The following GCNT2 variants were observed in gnomAD, a reference collection of about 807,000 sequenced individuals.
The protein encoded by GCNT2 is glucosaminyl (N-acetyl) transferase 2 (I blood group), also known as N-acetyllactosaminide beta-1,6-N-acetylglucosaminyl-transferase.
GCNT2 carries 34 observed loss-of-function variants against 34.2 expected under a neutral mutation model. The observed-to-expected ratio is 1.00, with a 90% CI of 0.76 to 1.32. The LOEUF (loss-of-function observed/expected upper bound fraction) is 1.32, where lower values mean the gene tolerates loss of function less well. Ranked by LOEUF, GCNT2 falls within the 40% of genes most tolerant of loss-of-function variation. GCNT2 has a pLI of 0.00. For missense variants in GCNT2, 584 were observed against 489.4 expected (o/e 1.19, Z -1.82); for synonymous variants, 212 against 188.0 (o/e 1.13, Z -1.04).
chr6:10,614,285 C>T (rs550644509), intron 3 of GCNT2, among the ~76,000 whole-genome samples: 1 of 152,154 alleles, frequency 6.6e-6, no homozygotes, highest in East Asian at 1.9e-4. Flanking sequence ...TTGCTGATCA[C>T]CCAGGTCATT....
rs1393567354 is a variant in GCNT2, at chr6:10,575,869, G to A, written c.926-45482G>A. On this transcript the variant is annotated intron_variant, in intron 3 of 4. Coordinates refer to ENST00000495262, the MANE Select transcript of GCNT2 (RefSeq NM_145649.5). ...CACCTTGCGACCCCCACTCCTGCCC[G>A]CCAGAGAACAAACCCCCTTTGACTG... Among the ~76,000 whole-genome samples the A allele has an allele frequency of 4.6e-5, 7 of 151,628 alleles. No individual in the cohort carries two copies. The South Asian group carries it at 6.3e-4, about 14-fold the overall frequency.
chr6:10,544,819 C>T (rs919472941), intron 3 of GCNT2, among the ~76,000 whole-genome samples: 4 of 151,454 alleles, frequency 2.6e-5, no homozygotes, highest in African/African-American at 9.7e-5. Context: ...GTGGCAGGCA[C>T]CTGTAATCTG....
intron 3 of GCNT2, among the ~76,000 whole-genome samples, chr6:10,614,641 AAAAAG>A (rs1462927748): frequency 9.8e-5 from 12 of 122,074 alleles, no homozygotes; most frequent in African/African-American, 3.2e-4. Flanking sequence ...AAAAAAAAAA[AAAAAG>A]AGAAAAAGAA....
At position 10,528,702 on chromosome 6, in the gene GCNT2, A is replaced by G. The variant is rs1481911138; in HGVS notation, c.-210A>G. The G allele has an allele frequency of 5.0e-6, 3 of 604,534 alleles. No individual in the cohort carries two copies. The highest frequency in any genetic ancestry group is 2.9e-5 in the Admixed American group (1 of 34,160). 37.4% of individuals were successfully genotyped at this position (604,534 alleles called of 1,614,324 possible). A position where few individuals can be genotyped will look rare whatever the true frequency, so the allele number is the denominator to read the frequency against. ...GAGCCACTTCAGAAATGTGTCACAGAAAAGTGAAAATGCAACCTAGTGGTA... is the reference window on the plus strand; with the variant it reads ...GAGCCACTTCAGAAATGTGTCACAGGAAAGTGAAAATGCAACCTAGTGGTA... On this transcript the variant is annotated 5_prime_UTR_variant, in exon 3 of 5. Coordinates refer to ENST00000495262, the MANE Select transcript of GCNT2 (RefSeq NM_145649.5).
chr6:10,531,780 A>G (rs575780367), intron 3 of GCNT2, among the ~76,000 whole-genome samples: 36 of 151,840 alleles, frequency 2.4e-4, no homozygotes, highest in African/African-American at 8.5e-4. Context: ...AGTAGGATGT[A>G]GACTCTTCAG....
intron 4 of GCNT2, among the ~76,000 whole-genome samples, chr6:10,626,155 T>G (rs1766245830): frequency 6.6e-6 from 1 of 152,222 alleles, no homozygotes; most frequent in Admixed American, 6.5e-5. Flanking sequence ...ATAATTAACA[T>G]AATTAAAATA....
intron 3 of GCNT2, among the ~76,000 whole-genome samples, chr6:10,595,020 TTTC>T (rs1465416548): frequency 6.6e-6 from 1 of 152,064 alleles, no homozygotes; most frequent in Non-Finnish European, 1.5e-5. Context: ...TAATTTTTAA[TTTC>T]TTGTCGAGTC....
At chr6:10,608,192 C>G (rs1416375426) in intron 3 of GCNT2, among the ~76,000 whole-genome samples, 1 of 151,804 alleles carries the variant, frequency 6.6e-6, no homozygotes, top group African/African-American at 2.4e-5. Flanking sequence ...ATTCTCCTGC[C>G]TCAGTCTCCT....
intron 3 of GCNT2, among the ~76,000 whole-genome samples, chr6:10,546,149 G>A (rs140341335): frequency 2.0e-5 from 3 of 152,234 alleles, no homozygotes; most frequent in Non-Finnish European, 4.4e-5. Flanking sequence ...TGGGCTACAC[G>A]TTGATCTCAG....
chr6:10,612,798 G>A (rs541644999), intron 3 of GCNT2, among the ~76,000 whole-genome samples: 37 of 152,300 alleles, frequency 2.4e-4, no homozygotes, highest in Non-Finnish European at 4.1e-4. Flanking sequence ...AGCTGGTGCT[G>A]TCAGTTATCG....
At position 10,607,747 on chromosome 6, in the gene GCNT2, TTAA is replaced by T. The variant is rs1394583846; in HGVS notation, c.926-13602_926-13600del. 5.3e-5 allele frequency among the ~76,000 whole-genome samples: 8 copies of T among 152,330 alleles called. No individual in the cohort carries two copies. The East Asian group carries it at 1.2e-3, about 22-fold the overall frequency. On this transcript the variant is annotated intron_variant, in intron 3 of 4. Coordinates refer to ENST00000495262, the MANE Select transcript of GCNT2 (RefSeq NM_145649.5). The stretch of plus-strand genomic sequence containing the variant: ...GTTGTTTTGTTAATAAAATTGATAA[TTAA>T]TGATGATAGATACTTTAACAGCACT...
At position 10,555,819 on chromosome 6, in the gene GCNT2, C is replaced by T. The variant is rs552405670; in HGVS notation, c.925+25983C>T. On this transcript the variant is annotated intron_variant, in intron 3 of 4. Transcript: ENST00000495262. ...TTTATTTGAGATGTCACTTGTGTCA[C>T]GTTTCCTGAAACAGCACGTTGGAAA... The T allele has an allele frequency of 2.4e-5, 24 of 985,380 alleles. 1 individual carries two copies. The African/African-American group carries it at 3.5e-4, about 14-fold the overall frequency. The allele number at this position is 985,380 out of a possible 1,614,324, so 61.0% of individuals were successfully genotyped here.
At chr6:10,584,623 C>T (rs1463520480) in intron 3 of GCNT2, among the ~76,000 whole-genome samples, 5 of 152,164 alleles carry the variant, frequency 3.3e-5, no homozygotes, top group Admixed American at 2.0e-4. Context: ...GGGGTTCCTG[C>T]GGCCTTCCGC....
chr6:10,592,259 A>C (rs1764683715), intron 3 of GCNT2, among the ~76,000 whole-genome samples: 1 of 152,224 alleles, frequency 6.6e-6, no homozygotes, highest in African/African-American at 2.4e-5. Context: ...CAGACTCTTA[A>C]AATAATATTT....
chr6:10,583,855 T>G (rs1764224739), intron 3 of GCNT2, among the ~76,000 whole-genome samples: 1 of 151,292 alleles, frequency 6.6e-6, no homozygotes, highest in African/African-American at 2.5e-5. Flanking sequence ...GAAGCTCTCT[T>G]TGTGAAATGG....
At chr6:10,617,789 C>T (rs1357516464) in intron 3 of GCNT2, among the ~76,000 whole-genome samples, 1 of 122,186 alleles carries the variant, frequency 8.2e-6, no homozygotes, top group Non-Finnish European at 1.6e-5. Context: ...GGGTCTCACT[C>T]TGTTGCCCAG....
chr6:10,577,850 C>T (rs554660082), intron 3 of GCNT2, among the ~76,000 whole-genome samples: 3 of 152,050 alleles, frequency 2.0e-5, no homozygotes, highest in Admixed American at 6.5e-5. Flanking sequence ...CTATTGAATC[C>T]ATTTAAAGCA....
chr6:10,582,460 TAAA>T (rs1178869862), intron 3 of GCNT2, among the ~76,000 whole-genome samples: 2 of 126,852 alleles, frequency 1.6e-5, no homozygotes, highest in African/African-American at 6.2e-5. Flanking sequence ...ATATATATAA[TAAA>T]TATAATATAT....
chr6:10,538,956 G>A lies in GCNT2; in HGVS notation c.925+9120G>A, dbSNP rs575326361. Among the ~76,000 whole-genome samples the A allele has an allele frequency of 5.9e-5, 9 of 152,160 alleles. No homozygotes were observed. In the East Asian group the frequency reaches 1.7e-3, roughly 29 times the overall value. On this transcript the variant is annotated intron_variant, in intron 3 of 4. Coordinates refer to ENST00000495262, the MANE Select transcript of GCNT2 (RefSeq NM_145649.5). ...TTTTATACTGAGGAAGCTAAAAGTA[G>A]TTTGATGAGAAAGAAAAAAATAAGG... is the stretch of plus-strand genomic sequence containing the variant.
Sources: gnomAD v4.1 joint callset for allele counts (sites outside exome capture counted in the v4.1 genomes callset) on GRCh38, gnomAD v4.1.1 for gene constraint, MANE v1.5 for transcripts, NCBI Gene and HGNC (gene_info 2026-07-23, HGNC 2026-07-21) for gene names.